KHDRBS3: variants seen among roughly 807,000 people sequenced by gnomAD.
KHDRBS3 encodes the protein KH domain-containing, RNA-binding, signal transduction-associated protein 3.
In KHDRBS3, 23 loss-of-function variants were observed where a neutral mutation model predicts 45.6. The observed-to-expected ratio is 0.50, with a 90% CI of 0.36 to 0.72. The LOEUF (loss-of-function observed/expected upper bound fraction) is 0.72. Ranked by LOEUF, KHDRBS3 falls within the 30% of genes least tolerant of loss-of-function variation. KHDRBS3 has a pLI of 0.00. For synonymous variants in KHDRBS3, 162 were observed against 156.5 expected, an observed-to-expected ratio of 1.04 and a Z score of -0.26; for missense variants, 352 against 424.8, an observed-to-expected ratio of 0.83 and a Z score of 1.51.
intron 5 of KHDRBS3, among the ~76,000 whole-genome samples, chr8:135,580,669 G>A (rs1315251236): frequency 6.8e-6 from 1 of 146,724 alleles, no homozygotes; most frequent in Non-Finnish European, 1.5e-5. Flanking sequence ...CTGGAGTGCA[G>A]TGGTGTGATC....
chr8:135,621,704 CAAA>C (rs60054576), intron 7 of KHDRBS3, among the ~76,000 whole-genome samples: 1 of 133,288 alleles, frequency 7.5e-6, no homozygotes, highest in Admixed American at 7.4e-5. Flanking sequence ...CAGAAGAGCA[CAAA>C]AAAAAAAAAA....
chr8:135,647,688 A>G (rs558537893), downstream of KHDRBS3: 5 of 152,436 alleles, frequency 3.3e-5, no homozygotes, highest in East Asian at 9.6e-4. Flanking sequence ...TAAACAGGGA[A>G]AGAATTCATT....
chr8:135,626,782 A>C lies in KHDRBS3; in HGVS notation c.891-18277A>C, dbSNP rs902813154. ...TTGCGCCACCGCACTCCAACCTGGGAGACACAGCGAGACTCCGTCTCAAAA... is the reference window on the plus strand; with the variant it reads ...TTGCGCCACCGCACTCCAACCTGGGCGACACAGCGAGACTCCGTCTCAAAA... On this transcript the variant is annotated intron_variant, in intron 7 of 8. Coordinates refer to ENST00000355849, the MANE Select transcript of KHDRBS3 (RefSeq NM_006558.3). Among the ~76,000 whole-genome samples the C allele has an allele frequency of 1.1e-4, 11 of 96,102 alleles. No individual in the cohort carries two copies. The South Asian group carries it at 2.8e-3, about 24-fold the overall frequency. The allele number at this position is 96,102 out of a possible 152,430, so 63.0% of individuals were successfully genotyped here.
intron 1 of KHDRBS3, among the ~76,000 whole-genome samples, chr8:135,488,256 G>A (rs1346498512): frequency 1.3e-5 from 2 of 152,154 alleles, no homozygotes; most frequent in African/African-American, 2.4e-5. Flanking sequence ...CTACCGTATT[G>A]ATTTCAGAAA....
intron 1 of KHDRBS3, among the ~76,000 whole-genome samples, chr8:135,515,814 T>A (rs1186392104): frequency 6.6e-6 from 1 of 152,234 alleles, no homozygotes; most frequent in Non-Finnish European, 1.5e-5. Flanking sequence ...TTAAGAGATT[T>A]AAAGCAGTGC....
At chr8:135,519,864 C>CCATATGAAGCCCGTGGTATTATGAAGCA (rs1554621571) in intron 1 of KHDRBS3, among the ~76,000 whole-genome samples, 4 of 152,170 alleles carry the variant, frequency 2.6e-5, no homozygotes, top group Non-Finnish European at 5.9e-5. Flanking sequence ...TATTATGAAG[C>CCATATGAAGCCCGTGGTATTATGAAGCA]CCATTGGCTG....
intron 8 of KHDRBS3, among the ~76,000 whole-genome samples, chr8:135,645,992 A>ATTTTTTTTTTTT (rs57082119): frequency 4.0e-5 from 4 of 100,688 alleles, no homozygotes; most frequent in African/African-American, 1.6e-4. Flanking sequence ...TGCACCTTGG[A>ATTTTTTTTTTTT]TTTTTTTTTT....
At chr8:135,641,634 G>C (rs922904794) in intron 7 of KHDRBS3, among the ~76,000 whole-genome samples, 9 of 152,244 alleles carry the variant, frequency 5.9e-5, no homozygotes, top group Non-Finnish European at 1.2e-4. Flanking sequence ...AGAGCTGCCA[G>C]GAGACCTGAG....
chr8:135,563,043 C>T (rs1427746949), intron 5 of KHDRBS3, among the ~76,000 whole-genome samples: 1 of 152,176 alleles, frequency 6.6e-6, no homozygotes, highest in Non-Finnish European at 1.5e-5. Flanking sequence ...TGCCATCCTT[C>T]CCAGTCTAAT....
intron 7 of KHDRBS3, among the ~76,000 whole-genome samples, chr8:135,613,916 A>G (rs778236092): frequency 2.0e-5 from 3 of 151,682 alleles, no homozygotes; most frequent in African/African-American, 7.3e-5. Context: ...TGTTACAGAA[A>G]CAAGTTTATC....
At chr8:135,557,392 A>T in intron 4 of KHDRBS3, 56 bp from the exon 5 acceptor site, 1 of 1,129,662 alleles carries the variant, frequency 8.9e-7, no homozygotes, top group Admixed American at 2.5e-5. Context: ...TTTGTTCTAA[A>T]TATTTTTGCA....
intron 1 of KHDRBS3, among the ~76,000 whole-genome samples, chr8:135,480,181 A>C (rs959737131): frequency 6.6e-6 from 1 of 152,204 alleles, no homozygotes; most frequent in African/African-American, 2.4e-5. Flanking sequence ...ATAAAGTACA[A>C]TATATGAAAA....
chr8:135,637,520 A>T (rs1385445035), intron 7 of KHDRBS3, among the ~76,000 whole-genome samples: 1 of 152,212 alleles, frequency 6.6e-6, no homozygotes, highest in Admixed American at 6.5e-5. Flanking sequence ...ACGGGGCAAA[A>T]TAATCAAGAA....
chr8:135,656,173 T>A (rs34561671), intron 4 of KHDRBS3: 1 of 152,234 alleles, frequency 6.6e-6, no homozygotes, highest in South Asian at 2.1e-4. Flanking sequence ...GAGCATATGG[T>A]TATTATTAAT....
rs1401982300 is a variant in KHDRBS3, at chr8:135,457,843, T to A, written c.-24T>A. ...GCCCCCCGTGCGCCTGGAGTCCACA[T>A]CCCGGGCCCGGCGGCCGGCGAGCAT... On this transcript the variant is annotated 5_prime_UTR_variant, in exon 1 of 9. Transcript: ENST00000355849. The surrounding 1 kb of genome is among the most constrained non-coding windows in gnomAD (Gnocchi z 4.4). 4 of 1,537,870 alleles carry A rather than the reference T, an allele frequency of 2.6e-6. No individual in the cohort carries two copies. The South Asian group carries it at 4.7e-5, about 18-fold the overall frequency.
chr8:135,484,117 C>CA (rs112600080), intron 1 of KHDRBS3, among the ~76,000 whole-genome samples: 19 of 152,074 alleles, frequency 1.2e-4, no homozygotes, highest in African/African-American at 3.9e-4. Flanking sequence ...TAAAAATAAC[C>CA]ACCACAAAGA....
chr8:135,469,171 TCA>T (rs1330341402), intron 1 of KHDRBS3, among the ~76,000 whole-genome samples: 2 of 152,366 alleles, frequency 1.3e-5, no homozygotes, highest in East Asian at 3.9e-4. Context: ...CTGTGTTTCT[TCA>T]CAGTTTTCTT....
intron 5 of KHDRBS3, among the ~76,000 whole-genome samples, chr8:135,578,753 A>G (rs1177779375): frequency 3.3e-5 from 5 of 152,194 alleles, no homozygotes; most frequent in Non-Finnish European, 7.3e-5. Flanking sequence ...GTCTAAAAAT[A>G]TATCACTTGC....
intron 5 of KHDRBS3, among the ~76,000 whole-genome samples, chr8:135,561,284 G>C (rs1188730044): frequency 6.6e-6 from 1 of 152,152 alleles, no homozygotes; most frequent in Non-Finnish European, 1.5e-5. Flanking sequence ...ACTATTGGTT[G>C]AGTACTTTTC....
Sources: gnomAD v4.1 joint callset for allele counts (sites outside exome capture counted in the v4.1 genomes callset) on GRCh38, gnomAD v4.1.1 for gene constraint, Gnocchi (gnomAD v3.1) non-coding constraint, MANE v1.5 for transcripts, NCBI Gene and HGNC (gene_info 2026-07-23, HGNC 2026-07-21) for gene names.